WNK4: variants seen among roughly 807,000 people sequenced by gnomAD.
The protein encoded by WNK4 is serine/threonine-protein kinase WNK4.
In WNK4, 94 loss-of-function variants were observed where a neutral mutation model predicts 116.2. The ratio of observed to expected loss-of-function variants is 0.81; its 90% CI spans 0.68 to 0.96. The LOEUF (loss-of-function observed/expected upper bound fraction) is 0.96. WNK4 is among the 40% of genes least tolerant of loss of function. The probability of loss-of-function intolerance (pLI) is 0.00; values close to 1 mark genes in which losing one functional copy is unlikely to be tolerated. For missense variants in WNK4, 1,542 were observed against 1,650.6 expected (o/e 0.93, Z 1.14); for synonymous variants, 655 against 672.7 (o/e 0.97, Z 0.41).
chr17:42,782,671 C>T lies in WNK4; in HGVS notation c.619-87C>T. On this transcript the variant is annotated intron_variant, in intron 1 of 18. Coordinates refer to ENST00000246914, the MANE Select transcript of WNK4 (RefSeq NM_032387.5). This position sits in a 1 kb window ranked among gnomAD's most constrained non-coding sequence, Gnocchi z 4.2. ...CCCCATCTGTGGGCTCCAACCCTCACCTCTTCCCCCAACCCCACTCCAGGT... is the reference window on the plus strand; with the variant it reads ...CCCCATCTGTGGGCTCCAACCCTCATCTCTTCCCCCAACCCCACTCCAGGT... 6.6e-7 allele frequency: 1 copy of T among 1,519,970 alleles called. No homozygotes were observed. Among genetic ancestry groups the T allele is most frequent in the East Asian group, 2.3e-5 (1 of 42,670 alleles). 94.2% of individuals were successfully genotyped at this position (1,519,970 alleles called of 1,614,324 possible). A position where few individuals can be genotyped will look rare whatever the true frequency, so the allele number is the denominator to read the frequency against.
In WNK4 at chr17:42,785,482, G is replaced by A. The variant is rs2054538320; in HGVS notation, c.1476G>A (p.Met492Ile). Residue 492 changes from methionine to isoleucine, a missense_variant and splice_region_variant, in exon 6 of 19, where the codon ATG becomes ATA. Physicochemically the swap from Met to Ile is conservative, Grantham distance 10. Transcript: ENST00000246914. Reference sequence around the variant, plus strand: ...CGGCCGAGGAGGTGGCACAGGAGATGGTGAGCGGAGGACAGACTGTGCTGC... The same window carrying A: ...CGGCCGAGGAGGTGGCACAGGAGATAGTGAGCGGAGGACAGACTGTGCTGC... ...RDAAEEVAQE[M>I]VALGLVCEAD... 1 of 1,551,812 alleles carries A rather than the reference G, an allele frequency of 6.4e-7. No individual in the cohort carries two copies. Among genetic ancestry groups the A allele is most frequent in the South Asian group, 1.2e-5 (1 of 84,100 alleles).
At chr17:42,790,079 T>C (rs1399112450) in intron 11 of WNK4, among the ~76,000 whole-genome samples, 2 of 151,542 alleles carry the variant, frequency 1.3e-5, no homozygotes, top group Middle Eastern at 3.4e-3. Flanking sequence ...TCATCTGCCA[T>C]GGGATGTGGA....
rs1434592744 is a variant in WNK4 at position 42,787,901 on chromosome 17, T to C, written c.1863+2T>C. 1 of 1,609,226 alleles carries C rather than the reference T, an allele frequency of 6.2e-7. No homozygotes were observed. Among genetic ancestry groups the C allele is most frequent in the Non-Finnish European group, 8.5e-7 (1 of 1,179,970 alleles). On this transcript the variant is annotated splice_donor_variant, in intron 8 of 18. Transcript: ENST00000246914. LOFTEE classifies it high-confidence loss of function. ...GAGTCCCATCTCTGCCTGCCCTCGGTGAGAGGGGGTCGCATGGGGGGCTCC... is the reference window on the plus strand; with the variant it reads ...GAGTCCCATCTCTGCCTGCCCTCGGCGAGAGGGGGTCGCATGGGGGGCTCC...
rs1348728047 is a variant in WNK4, at chr17:42,795,195, C to T, written c.2774C>T (p.Ser925Phe). The T allele has an allele frequency of 1.2e-6, 2 of 1,614,080 alleles. No homozygotes were observed. The highest frequency in any genetic ancestry group is 4.5e-5 in the East Asian group (2 of 44,864). The change falls in exon 14 of 19, where the codon TCT (serine) becomes TTT (phenylalanine). Residue 925 changes from serine (S) to phenylalanine (F), a missense_variant. Physicochemically the swap from Ser to Phe is radical, Grantham distance 155. This residue lies in a region of WNK4 where 292 missense variants were observed against 290.1 expected (regional missense o/e 1.01). Transcript: ENST00000246914. ...FPSTTAAPLL[S>F]LASAFSLAVM... The stretch of plus-strand genomic sequence containing the variant: ...TCCACCACAGCAGCCCCTCTCCTTT[C>T]TCTGGCTAGTGCCTTCTCACTGGCT...
intron 11 of WNK4, 61 bp downstream of exon 11, chr17:42,788,858 T>TG: frequency 7.1e-7 from 1 of 1,405,860 alleles, no homozygotes; most frequent in Non-Finnish European, 1.0e-6. Flanking sequence ...TCCTTCCTGA[T>TG]GTCCGCTGGG....
In WNK4 at chr17:42,795,659, G is replaced by A. The variant is rs1486096465; in HGVS notation, c.3057G>A (p.Val1019=). The A allele has an allele frequency of 1.9e-6, 3 of 1,613,298 alleles. No individual in the cohort carries two copies. In the East Asian group the frequency reaches 6.7e-5, roughly 36 times the overall value. Residue 1019 remains valine (V), a synonymous_variant, in exon 16 of 19, where the codon GTG becomes GTA. Coordinates refer to ENST00000246914, the MANE Select transcript of WNK4 (RefSeq NM_032387.5). ...GKPQLVGRFQ[V]TSSKEPAEPL... ...CGCAGCTTGTTGGGCGTTTCCAAGT[G>A]ACTTCATCCAAGGAACCGGCTGAGC...
intron 18 of WNK4, 32 bp from the exon 19 acceptor site, chr17:42,796,654 G>T: frequency 6.2e-7 from 1 of 1,614,224 alleles, no homozygotes; most frequent in Non-Finnish European, 8.5e-7. Context: ...CCACCTTGGA[G>T]GTTTCTTCAT....
chr17:42,786,160 G>C (rs1277655573), intron 6 of WNK4, among the ~76,000 whole-genome samples: 2 of 152,234 alleles, frequency 1.3e-5, no homozygotes, highest in Non-Finnish European at 2.9e-5. Flanking sequence ...GAAATTCAGA[G>C]AGGTTGAATA....
At chr17:42,791,580 G>A (rs923793778) in intron 11 of WNK4, among the ~76,000 whole-genome samples, 53 of 151,858 alleles carry the variant, frequency 3.5e-4, no homozygotes, top group African/African-American at 1.1e-3. Context: ...TGGAGGTTGC[G>A]GTGAGCCACG....
chr17:42,794,443 A>G (rs541833804), intron 12 of WNK4, 171 bp from the exon 13 acceptor site: 1 of 702,802 alleles, frequency 1.4e-6, no homozygotes, highest in South Asian at 1.7e-5. Flanking sequence ...AGTTGCAGAC[A>G]TCATGCCCTT....
rs1469030487 is a variant in WNK4, at chr17:42,780,812, C to G, written c.114C>G (p.Pro38=). ...LGTAGQPRLG[P]PPRRARRFSG... is the part of the protein sequence containing the mutation. ...CCGCGGGGCAGCCCCGCCTCGGGCC[C>G]CCTCCTCGCCGAGCGCGCCGCTTCT... The change falls in exon 1 of 19, where the codon CCC becomes CCG. Residue 38 remains proline, a synonymous_variant. Transcript: ENST00000246914. 1.2e-6 allele frequency: 2 copies of G among 1,601,870 alleles called. No homozygotes were observed. Among genetic ancestry groups the G allele is most frequent in the East Asian group, 2.2e-5 (1 of 44,760 alleles).
chr17:42,782,053 T>C lies in WNK4; in HGVS notation c.619-705T>C, dbSNP rs980333979. Among the ~76,000 whole-genome samples the C allele has an allele frequency of 6.6e-6, 1 of 152,198 alleles. No individual in the cohort carries two copies. The highest frequency in any genetic ancestry group is 1.5e-5 in the Non-Finnish European group (1 of 68,018). On this transcript the variant is annotated intron_variant, in intron 1 of 18. Transcript: ENST00000246914. The surrounding 1 kb of genome is among the most constrained non-coding windows in gnomAD (Gnocchi z 4.2). ...TATGGGTTAGGAGAACCCAGTCAACTTGGGGCCTGAAGCTTCCGATTCAGA... is the reference window on the plus strand; with the variant it reads ...TATGGGTTAGGAGAACCCAGTCAACCTGGGGCCTGAAGCTTCCGATTCAGA...
At chr17:42,789,639 G>T (rs139916825) in intron 11 of WNK4, among the ~76,000 whole-genome samples, 1 of 151,554 alleles carries the variant, frequency 6.6e-6, no homozygotes, top group South Asian at 2.1e-4. Flanking sequence ...ACTCCAGCCT[G>T]GGCGACAAGA....
chr17:42,788,660 C>T, intron 10 of WNK4, 21 bp from the exon 11 acceptor site: 1 of 1,594,656 alleles, frequency 6.3e-7, no homozygotes, highest in South Asian at 1.1e-5. Context: ...CTTCTCCCCT[C>T]TGCTGACTTT....
Position 42,782,236 on chromosome 17 carries a change from A to G in WNK4, c.619-522A>G, listed in dbSNP as rs534687604. Among the ~76,000 whole-genome samples, 274 of 146,014 alleles carry G rather than the reference A, an allele frequency of 1.9e-3. 4 individuals are homozygous for G. The highest frequency in any genetic ancestry group is 1.1e-3 in the East Asian group (5 of 4,514). ...GGAGAGGAGCCGGGGCGGGACGACT[A>G]TGGGGGTGGGCAGCCTCCTGGCGCC... On this transcript the variant is annotated intron_variant, in intron 1 of 18. Coordinates refer to ENST00000246914, the MANE Select transcript of WNK4 (RefSeq NM_032387.5). This position sits in a 1 kb window ranked among gnomAD's most constrained non-coding sequence, Gnocchi z 4.2.
rs1300819873 is a variant in WNK4, at chr17:42,796,680, C to T, written c.3730-6C>T. On this transcript the variant is annotated splice_region_variant and splice_polypyrimidine_tract_variant and intron_variant, in intron 18 of 18. Transcript: ENST00000246914. ...GTTTCTTCATCACTTTTTCTTTTCCCTCCAGTGAATTCAGAACAGAAGCCA... is the reference window on the plus strand; with the variant it reads ...GTTTCTTCATCACTTTTTCTTTTCCTTCCAGTGAATTCAGAACAGAAGCCA... The T allele has an allele frequency of 6.2e-7, 1 of 1,614,052 alleles. No homozygotes were observed. The highest frequency in any genetic ancestry group is 8.5e-7 in the Non-Finnish European group (1 of 1,180,026).
At position 42,780,722 on chromosome 17, in the gene WNK4, G is replaced by T; in HGVS notation, c.24G>T (p.Glu8Asp). The change falls in exon 1 of 19, where the codon GAG (glutamate) becomes GAT (aspartate). Residue 8 changes from glutamate to aspartate, a missense_variant. Physicochemically the swap from Glu to Asp is conservative, Grantham distance 45. This residue lies in a region of WNK4 where 243 missense variants were observed against 217.8 expected (regional missense o/e 1.12). Coordinates refer to ENST00000246914, the MANE Select transcript of WNK4 (RefSeq NM_032387.5). The part of the protein sequence containing the change: MLASPAT[E>D]TTVLMSQTEA... The stretch of plus-strand genomic sequence containing the variant: ...TCATGTTGGCATCCCCGGCCACGGA[G>T]ACCACCGTCCTCATGTCCCAGACTG... 1 of 1,608,910 alleles carries T rather than the reference G, an allele frequency of 6.2e-7. No homozygotes were observed. Among genetic ancestry groups the T allele is most frequent in the Non-Finnish European group, 8.5e-7 (1 of 1,179,514 alleles).
Position 42,780,934 on chromosome 17 carries a change from C to T in WNK4, c.236C>T (p.Pro79Leu). ...LLSSWSLPAS[P>L]APDPPDPPDS... ...AGCTCTTGGTCCCTGCCAGCCTCACCCGCTCCGGACCCCCCCGATCCTCCG... is the reference window on the plus strand; with the variant it reads ...AGCTCTTGGTCCCTGCCAGCCTCACTCGCTCCGGACCCCCCCGATCCTCCG... Residue 79 changes from proline (P) to leucine (L), a missense_variant, in exon 1 of 19, where the codon CCC becomes CTC. This residue lies in a region of WNK4 where 243 missense variants were observed against 217.8 expected (regional missense o/e 1.12). Coordinates refer to ENST00000246914, the MANE Select transcript of WNK4 (RefSeq NM_032387.5). The T allele has an allele frequency of 6.2e-7, 1 of 1,609,714 alleles. No individual in the cohort carries two copies. Among genetic ancestry groups the T allele is most frequent in the East Asian group, 2.2e-5 (1 of 44,872 alleles).
chr17:42,795,960 T>C lies in WNK4; in HGVS notation c.3358T>C (p.Leu1120=). ...GAACTACTCCTACAGCAGCCTGTGT[T>C]TGAGCAGCGAGGAGTCAGAAAGCAG... is the stretch of plus-strand genomic sequence containing the variant. ...WMNYSYSSLC[L]SSEESESSGE... Residue 1120 remains leucine, a synonymous_variant, in exon 16 of 19, where the codon TTG becomes CTG. Coordinates refer to ENST00000246914, the MANE Select transcript of WNK4 (RefSeq NM_032387.5). 1 of 1,613,396 alleles carries C rather than the reference T, an allele frequency of 6.2e-7. No individual in the cohort carries two copies. The highest frequency in any genetic ancestry group is 8.5e-7 in the Non-Finnish European group (1 of 1,179,906).
Sources: gnomAD v4.1 joint callset for allele counts (sites outside exome capture counted in the v4.1 genomes callset) on GRCh38, gnomAD v4.1.1 for gene constraint, gnomAD v4.1.1 regional missense constraint, Gnocchi (gnomAD v3.1) non-coding constraint, MANE v1.5 for transcripts, NCBI Gene and HGNC (gene_info 2026-07-23, HGNC 2026-07-21) for gene names.